The following TTC7B variants were observed in gnomAD, a reference collection of about 807,000 sequenced individuals.
TTC7B encodes tetratricopeptide repeat domain 7B, also known as tetratricopeptide repeat protein 7B.
A neutral mutation model predicts 106.8 loss-of-function variants in TTC7B; 28 were observed. That is an observed-to-expected ratio of 0.26 (90% CI 0.19 to 0.36). The LOEUF (loss-of-function observed/expected upper bound fraction) is 0.36. Among genes scored for constraint, TTC7B ranks in the 10% least tolerant of loss-of-function variants. TTC7B has a pLI of 1.00. For synonymous variants in TTC7B, 405 were observed against 430.6 expected, an observed-to-expected ratio of 0.94 and a Z score of 0.74; for missense variants, 862 against 1,076.4, an observed-to-expected ratio of 0.80 and a Z score of 2.79.
At chr14:90,561,942 G>A (rs557603033) in intron 19 of TTC7B, among the ~76,000 whole-genome samples, 1 of 152,182 alleles carries the variant, frequency 6.6e-6, no homozygotes, top group African/African-American at 2.4e-5. Flanking sequence ...CTGTCCTCAG[G>A]AGCCTCATTT....
At chr14:90,675,670 C>T (rs981576557) in intron 9 of TTC7B, among the ~76,000 whole-genome samples, 4 of 152,138 alleles carry the variant, frequency 2.6e-5, no homozygotes, top group African/African-American at 4.8e-5. Context: ...GAGGGTGAGT[C>T]GGGCACTTAT....
intron 17 of TTC7B, among the ~76,000 whole-genome samples, chr14:90,597,302 T>C (rs970572666): frequency 6.6e-6 from 1 of 152,014 alleles, no homozygotes; most frequent in Non-Finnish European, 1.5e-5. Flanking sequence ...ATTGAATTAG[T>C]ATTGGAAGGA....
In TTC7B at chr14:90,535,737, C is replaced by T. The variant is rs945080686; in HGVS notation, c.*5631G>A. On this transcript the variant is annotated 3_prime_UTR_variant, in exon 20 of 20. Transcript: ENST00000328459. ...TCAGCTTGGGCTGCCGTAAGAAAACCGCCACAGACAGGTGGCTTCAACAAT... is the reference window on the plus strand; with the variant it reads ...TCAGCTTGGGCTGCCGTAAGAAAACTGCCACAGACAGGTGGCTTCAACAAT... 6.6e-6 allele frequency: 1 copy of T among 152,280 alleles called. No individual in the cohort carries two copies. The highest frequency in any genetic ancestry group is 2.4e-5 in the African/African-American group (1 of 41,460). The allele number at this position is 152,280 out of a possible 1,614,324, so 9.4% of individuals were successfully genotyped here.
At chr14:90,573,098 T>C (rs1891096825) in intron 19 of TTC7B, among the ~76,000 whole-genome samples, 1 of 152,342 alleles carries the variant, frequency 6.6e-6, no homozygotes, top group East Asian at 1.9e-4. Context: ...AAAGGGCTGA[T>C]GGCTTTCTGT....
At chr14:90,699,169 C>T (rs755792656) in intron 5 of TTC7B, 16 of 455,854 alleles carry the variant, frequency 3.5e-5, no homozygotes, top group South Asian at 2.5e-4. Context: ...TGGTTTCGTC[C>T]TGTTCTATGA....
intron 1 of TTC7B, among the ~76,000 whole-genome samples, chr14:90,791,046 G>A (rs1007753957): frequency 1.3e-5 from 2 of 151,972 alleles, no homozygotes; most frequent in Non-Finnish European, 2.9e-5. Flanking sequence ...CTGACCTCCC[G>A]ACTCAGCACC....
chr14:90,744,654 C>G, intron 4 of TTC7B, 138 bp downstream of exon 4: 1 of 922,484 alleles, frequency 1.1e-6, no homozygotes, highest in Non-Finnish European at 1.6e-6. Flanking sequence ...CCACACTCTC[C>G]TTAGCTTTAA....
intron 6 of TTC7B, among the ~76,000 whole-genome samples, chr14:90,693,495 A>G (rs1207122395): frequency 6.6e-6 from 1 of 152,184 alleles, no homozygotes; most frequent in Non-Finnish European, 1.5e-5. Context: ...GGTATGAATC[A>G]TAAGCATACA....
chr14:90,725,605 G>T (rs1224383719), intron 5 of TTC7B, among the ~76,000 whole-genome samples: 3 of 152,160 alleles, frequency 2.0e-5, no homozygotes, highest in Non-Finnish European at 4.4e-5. Flanking sequence ...CCCTGGCTTG[G>T]CTGCAAGTAC....
At chr14:90,685,198 GCTTGACA>G (rs1421243581) in intron 7 of TTC7B, among the ~76,000 whole-genome samples, 4 of 152,156 alleles carry the variant, frequency 2.6e-5, no homozygotes, top group African/African-American at 9.7e-5. Flanking sequence ...TCTAAATTTT[GCTTGACA>G]CTTATTATAC....
chr14:90,643,928 T>G, intron 15 of TTC7B, 120 bp downstream of exon 15: 2 of 1,235,412 alleles, frequency 1.6e-6, no homozygotes, highest in Non-Finnish European at 1.2e-6. Flanking sequence ...TAAAGGGGAT[T>G]TTATATTATT....
At chr14:90,728,157 A>T (rs576866011) in intron 5 of TTC7B, among the ~76,000 whole-genome samples, 1 of 151,968 alleles carries the variant, frequency 6.6e-6, no homozygotes, top group Non-Finnish European at 1.5e-5. Flanking sequence ...CCCAGCCTTG[A>T]GCTAGTTGCA....
At chr14:90,615,601 G>T (rs1351542200) in intron 16 of TTC7B, among the ~76,000 whole-genome samples, 6 of 152,190 alleles carry the variant, frequency 3.9e-5, no homozygotes, top group Non-Finnish European at 5.9e-5. Context: ...AGCCACTGCG[G>T]CCCCACTCGG....
intron 19 of TTC7B, among the ~76,000 whole-genome samples, chr14:90,544,772 CGCCTTCCTGGCATG>C (rs1420352123): frequency 6.6e-6 from 1 of 152,184 alleles, no homozygotes; most frequent in Non-Finnish European, 1.5e-5. Flanking sequence ...GCTCGTCACA[CGCCTTCCTGGCATG>C]GCTTTCTTGG....
rs1184396384 is a variant in TTC7B, at chr14:90,808,063, G to A, written c.121+8112C>T. On this transcript the variant is annotated intron_variant, in intron 1 of 19. Transcript: ENST00000328459. The surrounding 1 kb of genome is among the most constrained non-coding windows in gnomAD (Gnocchi z 4.2). ...TCTAGCCTCAGTCTACTCAAGCCCT[G>A]AATGAGAATTACCCCTGACATCATT... 6.6e-6 allele frequency among the ~76,000 whole-genome samples: 1 copy of A among 152,228 alleles called. No homozygotes were observed. Among genetic ancestry groups the A allele is most frequent in the Non-Finnish European group, 1.5e-5 (1 of 68,044 alleles).
chr14:90,627,953 A>AAGACCTCTCCAGTTCTTTGG (rs1884522738), intron 15 of TTC7B, among the ~76,000 whole-genome samples: 1 of 152,150 alleles, frequency 6.6e-6, no homozygotes, highest in African/African-American at 2.4e-5. Context: ...CCGTGTTCCA[A>AAGACCTCTCCAGTTCTTTGG]AGACCTCTCC....
At chr14:90,731,673 A>G (rs1595331915) in intron 4 of TTC7B, among the ~76,000 whole-genome samples, 1 of 152,206 alleles carries the variant, frequency 6.6e-6, no homozygotes, top group African/African-American at 2.4e-5. Context: ...TCCACCCACT[A>G]CAGGCTCCTC....
At chr14:90,720,970 C>A (rs2139978698) in intron 5 of TTC7B, among the ~76,000 whole-genome samples, 1 of 152,198 alleles carries the variant, frequency 6.6e-6, no homozygotes, top group Non-Finnish European at 1.5e-5. Flanking sequence ...TATTCCTCCA[C>A]TCCTGCTCCC....
chr14:90,625,318 G>A (rs1217469846), intron 15 of TTC7B, among the ~76,000 whole-genome samples: 1 of 152,206 alleles, frequency 6.6e-6, no homozygotes. Flanking sequence ...CAAGGAGAGG[G>A]ATGTCATCGA....
Sources: gnomAD v4.1 joint callset for allele counts (sites outside exome capture counted in the v4.1 genomes callset) on GRCh38, gnomAD v4.1.1 for gene constraint, Gnocchi (gnomAD v3.1) non-coding constraint, MANE v1.5 for transcripts, NCBI Gene and HGNC (gene_info 2026-07-23, HGNC 2026-07-21) for gene names.